The following ALCAM variants were observed in gnomAD, a reference collection of about 807,000 sequenced individuals.
The protein encoded by ALCAM is CD166 antigen.
A neutral mutation model predicts 70.9 loss-of-function variants in ALCAM; 30 were observed. That is an observed-to-expected ratio of 0.42 (90% CI 0.32 to 0.57). The LOEUF is 0.57. Among genes scored for constraint, ALCAM ranks in the 20% least tolerant of loss-of-function variants. ALCAM has a pLI of 0.11. For missense variants in ALCAM, 591 were observed against 695.1 expected (o/e 0.85, Z 1.68); for synonymous variants, 249 against 242.5 (o/e 1.03, Z -0.25).
chr3:105,535,121 A>T (rs79810738), intron 6 of ALCAM, among the ~76,000 whole-genome samples: 1,534 of 152,254 alleles, frequency 0.01, 18 homozygotes, highest in Middle Eastern at 0.027. Flanking sequence ...AAGATCTATA[A>T]CTTATTTTCT....
intron 15 of ALCAM, among the ~76,000 whole-genome samples, chr3:105,573,693 A>G (rs1274987047): frequency 6.6e-6 from 1 of 152,134 alleles, no homozygotes; most frequent in East Asian, 1.9e-4. Flanking sequence ...AGCCATTTGG[A>G]CTATTAATGT....
intron 2 of ALCAM, among the ~76,000 whole-genome samples, chr3:105,522,686 G>A (rs760989732): frequency 3.9e-5 from 6 of 152,166 alleles, no homozygotes; most frequent in Non-Finnish European, 5.9e-5. Context: ...ATGAGGCCAA[G>A]CTCTAAGCTC....
chr3:105,541,574 C>G, intron 7 of ALCAM, 59 bp from the exon 8 acceptor site: 1 of 1,564,678 alleles, frequency 6.4e-7, no homozygotes, highest in Non-Finnish European at 8.7e-7. Context: ...TCAAGAAATA[C>G]AACTGTTCTC....
chr3:105,574,049 TTCCAC>T (rs1316130773), intron 15 of ALCAM, among the ~76,000 whole-genome samples: 1 of 152,186 alleles, frequency 6.6e-6, no homozygotes. Flanking sequence ...TGTTTGTTTT[TTCCAC>T]TTCTCTAGGG....
rs558306090 is a variant in ALCAM at position 105,557,601 on chromosome 3, C to T, written c.1664+5016C>T. Among the ~76,000 whole-genome samples the T allele has an allele frequency of 2.6e-5, 4 of 152,300 alleles. No individual in the cohort carries two copies. The South Asian group carries it at 8.3e-4, about 32-fold the overall frequency. On this transcript the variant is annotated intron_variant, in intron 14 of 15. Transcript: ENST00000306107. ...GGAACAAAAAAGTCCCATTCTCTGGCATGAGCCAGGCTGTATGTGTCCCAT... is the reference window on the plus strand; with the variant it reads ...GGAACAAAAAAGTCCCATTCTCTGGTATGAGCCAGGCTGTATGTGTCCCAT...
intron 3 of ALCAM, chr3:105,525,162 A>G (rs1199684012): frequency 4.1e-6 from 4 of 983,914 alleles, no homozygotes; most frequent in East Asian, 2.3e-4. Flanking sequence ...TAAAATTAAA[A>G]AAACTCACTA....
rs1559825177 is a variant in ALCAM, at chr3:105,534,730, GGAGTACAA to G, written c.618_625del (p.Glu206AspfsTer5). 1 of 1,613,712 alleles carries G rather than the reference GGAGTACAA, an allele frequency of 6.2e-7. No individual in the cohort carries two copies. The highest frequency in any genetic ancestry group is 8.5e-7 in the Non-Finnish European group (1 of 1,179,776). ...AGCTCTATACCATGACTTCCACCCT[GGAGTACAA>G]GACAACCAAGGCTGACATACAAATG... On this transcript the variant is annotated frameshift_variant, in exon 6 of 16. Transcript: ENST00000306107. LOFTEE classifies it high-confidence loss of function.
At position 105,411,293 on chromosome 3, in the gene ALCAM, T is replaced by C. The variant is rs1046178446; in HGVS notation, c.73+43812T>C. ...AGAGCTGGGAGTTAGGAGGAGGTTA[T>C]CCTCAATATATTAAGGCATTCCAGT... On this transcript the variant is annotated intron_variant, in intron 1 of 15. Transcript: ENST00000306107. 5.3e-5 allele frequency among the ~76,000 whole-genome samples: 8 copies of C among 152,086 alleles called. 1 individual carries two copies. Among genetic ancestry groups the C allele is most frequent in the African/African-American group, 1.9e-4 (8 of 41,436 alleles).
At chr3:105,540,822 A>G (rs892409993) in intron 7 of ALCAM, among the ~76,000 whole-genome samples, 2 of 152,136 alleles carry the variant, frequency 1.3e-5, no homozygotes, top group African/African-American at 2.4e-5. Context: ...TTCATCTACC[A>G]CAGTACTCAA....
At chr3:105,433,535 A>G (rs539840767) in intron 1 of ALCAM, among the ~76,000 whole-genome samples, 20 of 152,240 alleles carry the variant, frequency 1.3e-4, no homozygotes, top group African/African-American at 4.8e-4. Context: ...TAGACAGTGC[A>G]TTTAAATTTT....
chr3:105,458,300 A>G (rs1365385241), intron 1 of ALCAM, among the ~76,000 whole-genome samples: 1 of 152,162 alleles, frequency 6.6e-6, no homozygotes, highest in African/African-American at 2.4e-5. Context: ...CAGTGATTCT[A>G]TGTTGCTTCT....
chr3:105,488,924 T>C (rs1223603538), intron 1 of ALCAM, among the ~76,000 whole-genome samples: 2 of 152,174 alleles, frequency 1.3e-5, no homozygotes, highest in African/African-American at 4.8e-5. Context: ...TCCTTAAGGA[T>C]TTAGGAACTT....
intron 1 of ALCAM, among the ~76,000 whole-genome samples, chr3:105,502,276 C>T (rs561462181): frequency 6.6e-6 from 1 of 152,280 alleles, no homozygotes; most frequent in Admixed American, 6.5e-5. Context: ...AGTCTCTTTA[C>T]ACTAGTGTTC....
At chr3:105,547,801 A>G (rs1940288862) in intron 11 of ALCAM, among the ~76,000 whole-genome samples, 1 of 151,506 alleles carries the variant, frequency 6.6e-6, no homozygotes, top group Admixed American at 6.6e-5. Context: ...TTAAAAGAAT[A>G]TAAATTAGGT....
At chr3:105,452,888 T>C (rs561063874) in intron 1 of ALCAM, among the ~76,000 whole-genome samples, 1 of 152,252 alleles carries the variant, frequency 6.6e-6, no homozygotes, top group East Asian at 1.9e-4. Flanking sequence ...GAAGTGTCTG[T>C]TCATACCCTT....
intron 2 of ALCAM, 135 bp from the exon 3 acceptor site, chr3:105,524,154 T>G (rs1364843212): frequency 1.3e-6 from 1 of 744,556 alleles, no homozygotes; most frequent in Non-Finnish European, 2.1e-6. Flanking sequence ...TACGTGAGAC[T>G]TGTATAAAAA....
At position 105,367,116 on chromosome 3, in the gene ALCAM, A is replaced by ATT. The variant is rs1308714259; in HGVS notation, c.-292_-291dup. The ATT allele has an allele frequency of 2.4e-6, 1 of 412,090 alleles. No homozygotes were observed. Among genetic ancestry groups the ATT allele is most frequent in the Non-Finnish European group, 4.5e-6 (1 of 222,478 alleles). The allele number at this position is 412,090 out of a possible 1,614,324, so 25.5% of individuals were successfully genotyped here. Reference sequence around the variant, plus strand: ...AAAAGAACCGCTTACACCTTTCCGAATTACTCAAGTGTCTCCTGGAAACAG... The same window carrying ATT: ...AAAAGAACCGCTTACACCTTTCCGAATTTTACTCAAGTGTCTCCTGGAAACAG... On this transcript the variant is annotated 5_prime_UTR_variant, in exon 1 of 16. Transcript: ENST00000306107.
At chr3:105,538,365 A>T (rs1463965436) in intron 6 of ALCAM, among the ~76,000 whole-genome samples, 1 of 152,132 alleles carries the variant, frequency 6.6e-6, no homozygotes, top group Non-Finnish European at 1.5e-5. Flanking sequence ...CAAAATGATG[A>T]TTTACTAGTG....
At chr3:105,538,415 A>G (rs1433107739) in intron 6 of ALCAM, among the ~76,000 whole-genome samples, 1 of 152,182 alleles carries the variant, frequency 6.6e-6, no homozygotes, top group Non-Finnish European at 1.5e-5. Flanking sequence ...ACGCAGAGCA[A>G]GGGATCCTTA....
Sources: gnomAD v4.1 joint callset for allele counts (sites outside exome capture counted in the v4.1 genomes callset) on GRCh38, gnomAD v4.1.1 for gene constraint, MANE v1.5 for transcripts, NCBI Gene and HGNC (gene_info 2026-07-23, HGNC 2026-07-21) for gene names.